The following ZNF516 variants were observed in gnomAD, a reference collection of about 807,000 sequenced individuals.
ZNF516 encodes zinc finger protein 516.
ZNF516 carries 19 observed loss-of-function variants against 79.7 expected under a neutral mutation model. The ratio of observed to expected loss-of-function variants is 0.24; its 90% CI spans 0.17 to 0.35. The LOEUF is 0.35. ZNF516 is among the 10% of genes least tolerant of loss of function. The probability of loss-of-function intolerance (pLI) is 1.00; values close to 1 mark genes in which losing one functional copy is unlikely to be tolerated. For synonymous variants in ZNF516, 877 were observed against 739.5 expected (o/e 1.19, Z -3.02); for missense variants, 1,678 against 1,679.5 (o/e 1.00, Z 0.02).
At chr18:76,462,423 C>A (rs1003615191) in intron 2 of ZNF516, among the ~76,000 whole-genome samples, 5 of 152,242 alleles carry the variant, frequency 3.3e-5, no homozygotes, top group African/African-American at 1.2e-4. Context: ...TTAGAAACAT[C>A]GCCGTCAGGG....
chr18:76,378,969 C>T lies in ZNF516; in HGVS notation c.3145G>A (p.Glu1049Lys), dbSNP rs371177371. The change falls in exon 4 of 7, where the codon GAG becomes AAG. Residue 1049 changes from glutamate (E) to lysine (K), a missense_variant. By Grantham distance (56) the Glu-to-Lys change is moderately conservative. Around this residue, in one of 5 missense-constraint regions of ZNF516, gnomAD observed 1,294 missense variants for 1,248.3 expected, o/e 1.04. Transcript: ENST00000443185. ...LHSIKQEPVA[E>K]GHEKRLDILN... ...ATGTCCAGGCGCTTCTCATGCCCCT[C>T]GGCCACCGGCTCCTGTTTGATGGAG... The T allele has an allele frequency of 4.7e-5, 76 of 1,613,588 alleles. No individual in the cohort carries two copies. The highest frequency in any genetic ancestry group is 4.7e-5 in the Non-Finnish European group (55 of 1,179,804).
intron 3 of ZNF516, among the ~76,000 whole-genome samples, chr18:76,420,995 A>T (rs2075499690): frequency 6.6e-6 from 1 of 152,210 alleles, no homozygotes; most frequent in South Asian, 2.1e-4. Context: ...AAGAGAACAA[A>T]CAAGGAGATG....
chr18:76,388,536 G>A (rs1393415384), intron 3 of ZNF516: 1 of 151,050 alleles, frequency 6.6e-6, no homozygotes, highest in Non-Finnish European at 1.5e-5. Flanking sequence ...TTGCTGCAGT[G>A]CCCGACCTCC....
rs1413866535 is a variant in ZNF516 at position 76,443,218 on chromosome 18, CAG to C, written c.-157-9_-157-8del. The C allele has an allele frequency of 4.7e-6, 5 of 1,067,332 alleles. No homozygotes were observed. In the Admixed American group the frequency reaches 9.3e-5, roughly 20 times the overall value. 66.1% of individuals were successfully genotyped at this position (1,067,332 alleles called of 1,614,324 possible). On this transcript the variant is annotated splice_polypyrimidine_tract_variant and splice_region_variant and intron_variant, in intron 2 of 6. Transcript: ENST00000443185. ...AGCAGCTGGCAGCCAGCACCTGAAA[CAG>C]AGATGGAACATCATCAGCAAAGCTC...
chr18:76,370,517 A>G lies in ZNF516; in HGVS notation c.3432+11T>C, dbSNP rs766095563. Reference sequence around the variant, plus strand: ...TCGAAACCCAGACATCCAATTCATCATGAGACCTACTTGTTTGGGGGCGTC... The same window carrying G: ...TCGAAACCCAGACATCCAATTCATCGTGAGACCTACTTGTTTGGGGGCGTC... On this transcript the variant is annotated intron_variant, in intron 6 of 6. Coordinates refer to ENST00000443185, the MANE Select transcript of ZNF516 (RefSeq NM_014643.4). The G allele has an allele frequency of 6.3e-7, 1 of 1,599,308 alleles. No individual in the cohort carries two copies.
intron 3 of ZNF516, among the ~76,000 whole-genome samples, chr18:76,433,357 C>G (rs2075687360): frequency 1.3e-5 from 2 of 152,208 alleles, no homozygotes; most frequent in African/African-American, 2.4e-5. Context: ...GCGGGGCCCT[C>G]AAGAAAAAGC....
At chr18:76,434,228 C>A (rs1259197358) in intron 3 of ZNF516, among the ~76,000 whole-genome samples, 4 of 151,060 alleles carry the variant, frequency 2.6e-5, no homozygotes, top group Non-Finnish European at 4.5e-5. Flanking sequence ...AGGAACCCTT[C>A]CATTTCAAGC....
chr18:76,378,572 C>T (rs901405017), intron 4 of ZNF516, among the ~76,000 whole-genome samples: 1 of 152,222 alleles, frequency 6.6e-6, no homozygotes, highest in Non-Finnish European at 1.5e-5. Flanking sequence ...GGAAGGAAGC[C>T]GTGCAGGGCT....
chr18:76,453,974 C>A (rs1002128366), intron 2 of ZNF516, among the ~76,000 whole-genome samples: 1 of 152,224 alleles, frequency 6.6e-6, no homozygotes, highest in South Asian at 2.1e-4. Flanking sequence ...ACCAACATTT[C>A]TCTCCCAGTA....
Position 76,376,977 on chromosome 18 carries a change from A to G in ZNF516, c.3259+1878T>C, listed in dbSNP as rs555985490. 8.5e-5 allele frequency among the ~76,000 whole-genome samples: 13 copies of G among 152,314 alleles called. No homozygotes were observed. The South Asian group carries it at 2.7e-3, about 32-fold the overall frequency. ...TCTGCTTTGGGTTCCAAGAAACCCC[A>G]CATCTCCAGAAGTGAGGCTGGCATC... On this transcript the variant is annotated intron_variant, in intron 4 of 6. Coordinates refer to ENST00000443185, the MANE Select transcript of ZNF516 (RefSeq NM_014643.4).
At chr18:76,489,950 G>C (rs922343796) in intron 1 of ZNF516, among the ~76,000 whole-genome samples, 1 of 152,148 alleles carries the variant, frequency 6.6e-6, no homozygotes, top group African/African-American at 2.4e-5. Context: ...CTCTTGGTTA[G>C]TTTTATTACA....
chr18:76,480,619 T>C (rs1255736060), intron 1 of ZNF516, among the ~76,000 whole-genome samples: 1 of 151,924 alleles, frequency 6.6e-6, no homozygotes, highest in Admixed American at 6.6e-5. Flanking sequence ...ATCTCCCGGA[T>C]TGAAGCAATT....
chr18:76,414,193 C>G (rs1422956009), intron 3 of ZNF516, among the ~76,000 whole-genome samples: 1 of 152,098 alleles, frequency 6.6e-6, no homozygotes, highest in African/African-American at 2.4e-5. Context: ...TCAGCATTAC[C>G]AATTGTTTAC....
Position 76,397,421 on chromosome 18 carries a change from T to C in ZNF516, c.1811-17118A>G, listed in dbSNP as rs545369537. On this transcript the variant is annotated intron_variant, in intron 3 of 6. Coordinates refer to ENST00000443185, the MANE Select transcript of ZNF516 (RefSeq NM_014643.4). ...AGAAAATGCCAGGACTAGAGCAACA[T>C]GGAACTGAATGGTATTATAAAATTT... 5.3e-5 allele frequency among the ~76,000 whole-genome samples: 8 copies of C among 152,200 alleles called. No individual in the cohort carries two copies. The East Asian group carries it at 1.4e-3, about 26-fold the overall frequency.
intron 2 of ZNF516, among the ~76,000 whole-genome samples, chr18:76,460,558 G>A (rs961554726): frequency 6.6e-6 from 1 of 152,156 alleles, no homozygotes; most frequent in African/African-American, 2.4e-5. Context: ...ACCATCCTGA[G>A]CAGCTGGCAA....
intron 3 of ZNF516, among the ~76,000 whole-genome samples, chr18:76,423,911 G>C (rs1192769556): frequency 7.1e-5 from 7 of 98,686 alleles, no homozygotes; most frequent in African/African-American, 2.3e-4. Context: ...AGGTGAAAAG[G>C]CTCCCTCCTG....
rs535464430 is a variant in ZNF516 at position 76,384,984 on chromosome 18, C to T, written c.1811-4681G>A. On this transcript the variant is annotated intron_variant, in intron 3 of 6. Transcript: ENST00000443185. Reference sequence around the variant, plus strand: ...AGGCTGGCTCAGAAAGGCCTGGCAGCGGCCCTGTGCAGAGGGAGCAGGATC... The same window carrying T: ...AGGCTGGCTCAGAAAGGCCTGGCAGTGGCCCTGTGCAGAGGGAGCAGGATC... Among the ~76,000 whole-genome samples the T allele has an allele frequency of 7.9e-5, 12 of 152,388 alleles. 1 individual carries two copies. The South Asian group carries it at 1.0e-3, about 13-fold the overall frequency.
At position 76,358,083 on chromosome 18, in the gene ZNF516, C is replaced by T. The variant is rs930175827; in HGVS notation, c.*4415G>A. 2 of 152,206 alleles carry T rather than the reference C, an allele frequency of 1.3e-5. No homozygotes were observed. The highest frequency in any genetic ancestry group is 2.4e-5 in the African/African-American group (1 of 41,452). The allele number at this position is 152,206 out of a possible 1,614,324, so 9.4% of individuals were successfully genotyped here. A position where few individuals can be genotyped will look rare whatever the true frequency, so the allele number is the denominator to read the frequency against. On this transcript the variant is annotated 3_prime_UTR_variant, in exon 7 of 7. Transcript: ENST00000443185. ...CTCTTCCATAAATAAAGAGCATTAA[C>T]ACTTTGGTTTATGTTCAGCCAACAA...
At position 76,360,582 on chromosome 18, in the gene ZNF516, A is replaced by C. The variant is rs2144844273; in HGVS notation, c.*1916T>G. On this transcript the variant is annotated 3_prime_UTR_variant, in exon 7 of 7. Transcript: ENST00000443185. The stretch of plus-strand genomic sequence containing the variant: ...GGACATTCCTAATTACACCAACAGG[A>C]CAGATCATTTTCGTACATATCTGGT... The C allele has an allele frequency of 6.9e-6, 1 of 145,696 alleles. No homozygotes were observed. 9.0% of individuals were successfully genotyped at this position (145,696 alleles called of 1,614,324 possible).
Sources: allele counts gnomAD v4.1 joint callset (sites outside exome capture counted in the v4.1 genomes callset), GRCh38; gene constraint gnomAD v4.1.1; regional missense constraint gnomAD v4.1.1; transcripts MANE v1.5; gene names NCBI Gene and HGNC (gene_info 2026-07-23, HGNC 2026-07-21).